GTF2IRD1: variants seen among roughly 807,000 people sequenced by gnomAD.
GTF2IRD1 encodes general transcription factor II-I repeat domain-containing protein 1.
GTF2IRD1 carries 26 observed loss-of-function variants against 113.2 expected under a neutral mutation model. The observed-to-expected ratio is 0.23, with a 90% CI of 0.17 to 0.32. GTF2IRD1 has a LOEUF of 0.32. Ranked by LOEUF, GTF2IRD1 falls within the 10% of genes least tolerant of loss-of-function variation. The probability of loss-of-function intolerance (pLI) is 1.00; values close to 1 mark genes in which losing one functional copy is unlikely to be tolerated. For synonymous variants in GTF2IRD1, 484 were observed against 529.1 expected (o/e 0.91, Z 1.17); for missense variants, 864 against 1,280.8 (o/e 0.67, Z 4.97).
chr7:74,574,266 T>C (rs1800873454), intron 22 of GTF2IRD1, among the ~76,000 whole-genome samples: 1 of 150,092 alleles, frequency 6.7e-6, no homozygotes, highest in South Asian at 2.1e-4. Flanking sequence ...CCTCCCAAAG[T>C]GCCGGGATTA....
chr7:74,502,709 G>A (rs541062554), intron 1 of GTF2IRD1, among the ~76,000 whole-genome samples: 3 of 152,308 alleles, frequency 2.0e-5, no homozygotes, highest in East Asian at 1.9e-4. Flanking sequence ...CTTGGCGGCC[G>A]GCAAATCTGC....
At chr7:74,535,045 T>C in intron 9 of GTF2IRD1, 68 bp from the exon 10 acceptor site, 1 of 1,355,178 alleles carries the variant, frequency 7.4e-7, no homozygotes, top group South Asian at 1.2e-5. Flanking sequence ...ACTGGAGGCA[T>C]CTCCCCGAGC....
At chr7:74,598,388 C>T (rs1802549366) in intron 25 of GTF2IRD1, among the ~76,000 whole-genome samples, 1 of 151,620 alleles carries the variant, frequency 6.6e-6, no homozygotes, top group Admixed American at 6.6e-5. Context: ...GCAGGTGGAT[C>T]ACCTGAGGTC....
intron 22 of GTF2IRD1, among the ~76,000 whole-genome samples, chr7:74,582,469 G>T (rs1801472708): frequency 6.6e-6 from 1 of 152,084 alleles, no homozygotes. Flanking sequence ...CTGTTGCCCA[G>T]ACTGGTCTTG....
intron 22 of GTF2IRD1, among the ~76,000 whole-genome samples, chr7:74,571,659 C>T (rs1464159078): frequency 1.3e-5 from 2 of 152,072 alleles, no homozygotes; most frequent in Admixed American, 6.5e-5. Context: ...TCCAGGAGTT[C>T]GAAACCAGCC....
rs144242971 is a variant in GTF2IRD1 at position 74,582,017 on chromosome 7, T to A, written c.2321-7834T>A. Reference sequence around the variant, plus strand: ...GCCAGACCATCTCAACTCAAAAAAATAAATAAATAAATAAAGCTTGGCTGG... The same window carrying A: ...GCCAGACCATCTCAACTCAAAAAAAAAAATAAATAAATAAAGCTTGGCTGG... On this transcript the variant is annotated intron_variant, in intron 22 of 26. Transcript: ENST00000424337. Among the ~76,000 whole-genome samples the A allele has an allele frequency of 5.3e-5, 8 of 152,022 alleles. No individual in the cohort carries two copies. The South Asian group carries it at 6.2e-4, about 12-fold the overall frequency.
At chr7:74,579,608 A>G (rs1554365560) in intron 22 of GTF2IRD1, among the ~76,000 whole-genome samples, 1 of 135,808 alleles carries the variant, frequency 7.4e-6, no homozygotes, top group Non-Finnish European at 1.6e-5. Context: ...ACAGAGCAAG[A>G]CTCCATCTTA....
intron 22 of GTF2IRD1, among the ~76,000 whole-genome samples, chr7:74,562,724 C>T (rs587686505): frequency 6.6e-5 from 10 of 152,052 alleles, no homozygotes; most frequent in Non-Finnish European, 1.3e-4. Context: ...TGTGCCACAG[C>T]ATCCAGCTAA....
chr7:74,532,200 T>G (rs587675769), intron 9 of GTF2IRD1, among the ~76,000 whole-genome samples: 10 of 151,982 alleles, frequency 6.6e-5, no homozygotes, highest in Non-Finnish European at 8.8e-5. Context: ...TCCCTGATGC[T>G]GTCTCGAACC....
rs59499031 is a variant in GTF2IRD1, at chr7:74,517,427, C to CTTTTTTTTTTTTTTTTTTTTTTTT, written c.422-689_422-688insTTTTTTTTTTTTTTTTTTTTTTTT. Reference sequence around the variant, plus strand: ...GGTCTCTCTCCCTTCCTCCCTACACCTTTTTTTTTTTTTTTTTTTTTTTGA... The same window carrying CTTTTTTTTTTTTTTTTTTTTTTTT: ...GGTCTCTCTCCCTTCCTCCCTACACCTTTTTTTTTTTTTTTTTTTTTTTTTTTTTTTTTTTTTTTTTTTTTTTGA... On this transcript the variant is annotated intron_variant, in intron 4 of 26. Transcript: ENST00000424337. 2.6e-5 allele frequency among the ~76,000 whole-genome samples: 2 copies of CTTTTTTTTTTTTTTTTTTTTTTTT among 77,402 alleles called. 1 individual carries two copies. The highest frequency in any genetic ancestry group is 1.0e-4 in the African/African-American group (2 of 19,118). 50.8% of individuals were successfully genotyped at this position (77,402 alleles called of 152,430 possible).
At chr7:74,492,372 A>G (rs533061422) in intron 1 of GTF2IRD1, among the ~76,000 whole-genome samples, 90 of 151,820 alleles carry the variant, frequency 5.9e-4, no homozygotes, top group African/African-American at 8.0e-4. Flanking sequence ...GAGTTTCACC[A>G]TGTTAGCCAG....
chr7:74,492,421 T>C (rs1795415776), intron 1 of GTF2IRD1, among the ~76,000 whole-genome samples: 1 of 151,846 alleles, frequency 6.6e-6, no homozygotes, highest in Non-Finnish European at 1.5e-5. Flanking sequence ...CTGCCCACCT[T>C]GGCCTCCAAA....
At chr7:74,459,834 G>A (rs922167405) in intron 1 of GTF2IRD1, among the ~76,000 whole-genome samples, 4 of 152,138 alleles carry the variant, frequency 2.6e-5, no homozygotes, top group Non-Finnish European at 5.9e-5. Context: ...CCTCTGGGGC[G>A]GTGAGATGGA....
Position 74,464,378 on chromosome 7 carries a change from G to A in GTF2IRD1, c.-7+10202G>A, listed in dbSNP as rs145315868. On this transcript the variant is annotated intron_variant, in intron 1 of 26. Coordinates refer to ENST00000424337, the MANE Select transcript of GTF2IRD1 (RefSeq NM_005685.4). ...GCTTCCTAAGGAGATGGAGCTTCCT[G>A]GGTGATCACATGTCTTGCGTGGGTG... Among the ~76,000 whole-genome samples the A allele has an allele frequency of 4.1e-3, 617 of 151,126 alleles. 5 individuals are homozygous for A. Among genetic ancestry groups the A allele is most frequent in the African/African-American group, 0.015 (595 of 40,526 alleles).
intron 22 of GTF2IRD1, among the ~76,000 whole-genome samples, chr7:74,586,096 G>T (rs1237959856): frequency 1.3e-5 from 2 of 152,170 alleles, no homozygotes; most frequent in African/African-American, 2.4e-5. Flanking sequence ...ACACAGTGAT[G>T]TGTGTGATCC....
intron 1 of GTF2IRD1, among the ~76,000 whole-genome samples, chr7:74,478,372 C>T (rs1794549556): frequency 6.6e-6 from 1 of 152,232 alleles, no homozygotes; most frequent in African/African-American, 2.4e-5. Flanking sequence ...CACACATTCT[C>T]ACGTGGGGCT....
At chr7:74,501,755 G>A (rs558545862) in intron 1 of GTF2IRD1, among the ~76,000 whole-genome samples, 7 of 152,220 alleles carry the variant, frequency 4.6e-5, no homozygotes, top group East Asian at 1.9e-4. Context: ...GGGTTCGAGC[G>A]ATTCTCCTGT....
intron 1 of GTF2IRD1, among the ~76,000 whole-genome samples, chr7:74,494,487 T>A (rs1795545604): frequency 6.6e-6 from 1 of 152,182 alleles, no homozygotes; most frequent in East Asian, 1.9e-4. Context: ...TCTAGCGCCT[T>A]TGGGGACCTG....
Position 74,515,595 on chromosome 7 carries a change from T to C in GTF2IRD1, c.420T>C (p.Tyr140=), listed in dbSNP as rs782043714. ...KMVEEVFDVL[Y]SEALGRASVV... is the part of the protein sequence containing the mutation. Reference sequence around the variant, plus strand: ...TAGAGGAGGTGTTTGATGTTCTTTATAGTAAGATCCTTCCTCATTCCATTT... The same window carrying C: ...TAGAGGAGGTGTTTGATGTTCTTTACAGTAAGATCCTTCCTCATTCCATTT... The change falls in exon 4 of 27, where the codon TAT becomes TAC. Residue 140 remains tyrosine, a splice_region_variant and synonymous_variant. Coordinates refer to ENST00000424337, the MANE Select transcript of GTF2IRD1 (RefSeq NM_005685.4). 2 of 1,606,980 alleles carry C rather than the reference T, an allele frequency of 1.2e-6. No individual in the cohort carries two copies. Among genetic ancestry groups the C allele is most frequent in the South Asian group, 1.1e-5 (1 of 90,864 alleles).
Sources: gnomAD v4.1 joint callset for allele counts (sites outside exome capture counted in the v4.1 genomes callset) on GRCh38, gnomAD v4.1.1 for gene constraint, MANE v1.5 for transcripts, NCBI Gene and HGNC (gene_info 2026-07-23, HGNC 2026-07-21) for gene names.